The following ADAM32 variants were observed in gnomAD, a reference collection of about 807,000 sequenced individuals.
The protein encoded by ADAM32 is ADAM metallopeptidase domain 32, also known as disintegrin and metalloproteinase domain-containing protein 32.
ADAM32 carries 89 observed loss-of-function variants against 114.9 expected under a neutral mutation model. That is an observed-to-expected ratio of 0.77 (90% CI 0.65 to 0.92). The LOEUF (loss-of-function observed/expected upper bound fraction) is 0.92, where lower values mean the gene tolerates loss of function less well. Ranked by LOEUF, ADAM32 falls within the 40% of genes least tolerant of loss-of-function variation. The pLI is 0.00. For synonymous variants in ADAM32, 285 were observed against 307.5 expected, an observed-to-expected ratio of 0.93 and a Z score of 0.77; for missense variants, 870 against 932.8, an observed-to-expected ratio of 0.93 and a Z score of 0.88.
At chr8:39,151,256 CAG>C in intron 5 of ADAM32, 119 bp from the exon 6 acceptor site, 3 of 834,998 alleles carry the variant, frequency 3.6e-6, no homozygotes, top group Non-Finnish European at 5.3e-6. Flanking sequence ...ATCTCTAAGA[CAG>C]AATTCAGAAA....
At chr8:39,146,799 C>T (rs1331117455) in intron 3 of ADAM32, among the ~76,000 whole-genome samples, 15 of 152,222 alleles carry the variant, frequency 9.9e-5, no homozygotes, top group East Asian at 7.7e-4. Flanking sequence ...TTTGAGTAAA[C>T]GTATATTGCT....
chr8:39,147,836 C>T (rs1404834750), intron 4 of ADAM32, among the ~76,000 whole-genome samples: 4 of 151,980 alleles, frequency 2.6e-5, no homozygotes, highest in Non-Finnish European at 4.4e-5. Context: ...TGCAATGGTG[C>T]GATCTTGGCT....
intron 11 of ADAM32, among the ~76,000 whole-genome samples, chr8:39,210,486 A>G (rs1265492725): frequency 6.6e-6 from 1 of 152,158 alleles, no homozygotes; most frequent in African/African-American, 2.4e-5. Context: ...GGAGGGTTCT[A>G]TCCCGTGCTC....
At position 39,226,252 on chromosome 8, in the gene ADAM32, G is replaced by A. The variant is rs1809361653; in HGVS notation, c.1525+3014G>A. Among the ~76,000 whole-genome samples the A allele has an allele frequency of 3.3e-5, 5 of 152,148 alleles. No individual in the cohort carries two copies. In the South Asian group the frequency reaches 1.0e-3, roughly 32 times the overall value. ...ACAAACACTATGGGATTTTGAAACAGCATCAAGAAAGCTAACATTCTCATT... is the reference window on the plus strand; with the variant it reads ...ACAAACACTATGGGATTTTGAAACAACATCAAGAAAGCTAACATTCTCATT... On this transcript the variant is annotated intron_variant, in intron 14 of 24. Transcript: ENST00000379907.
At chr8:39,212,756 T>C (rs1457694456) in intron 12 of ADAM32, among the ~76,000 whole-genome samples, 2 of 152,208 alleles carry the variant, frequency 1.3e-5, no homozygotes, top group Admixed American at 6.5e-5. Flanking sequence ...GGTCCATTAT[T>C]CTTAATTTGT....
intron 12 of ADAM32, among the ~76,000 whole-genome samples, chr8:39,214,579 T>C (rs1435420947): frequency 1.3e-5 from 2 of 152,182 alleles, no homozygotes; most frequent in East Asian, 3.8e-4. Context: ...TTTTATGTTC[T>C]GGATATTAAT....
chr8:39,232,269 C>T (rs1809792042), intron 15 of ADAM32, 134 bp downstream of exon 15: 2 of 610,418 alleles, frequency 3.3e-6, no homozygotes, highest in African/African-American at 3.8e-5. Context: ...AAATCAAAAT[C>T]CCCAGCCCTG....
intron 3 of ADAM32, among the ~76,000 whole-genome samples, chr8:39,146,571 C>T (rs1485433752): frequency 4.6e-5 from 7 of 151,898 alleles, no homozygotes; most frequent in African/African-American, 7.3e-5. Flanking sequence ...CCACCACACC[C>T]GACTAATTTT....
At chr8:39,134,286 A>G (rs1033659894) in intron 2 of ADAM32, among the ~76,000 whole-genome samples, 1 of 151,938 alleles carries the variant, frequency 6.6e-6, no homozygotes, top group African/African-American at 2.4e-5. Context: ...GTGAATTCCC[A>G]GTCTGAAAGA....
intron 3 of ADAM32, among the ~76,000 whole-genome samples, chr8:39,140,672 T>C (rs1164485719): frequency 2.6e-5 from 4 of 152,202 alleles, no homozygotes; most frequent in Non-Finnish European, 5.9e-5. Flanking sequence ...CCTCATAAAA[T>C]GAGTCAGGGA....
intron 22 of ADAM32, among the ~76,000 whole-genome samples, chr8:39,279,458 A>G (rs1439329162): frequency 3.9e-5 from 6 of 152,098 alleles, no homozygotes; most frequent in Non-Finnish European, 7.4e-5. Flanking sequence ...TAATTTTTGT[A>G]GTTTTAGTAG....
At chr8:39,113,433 G>A (rs935626959) in intron 1 of ADAM32, among the ~76,000 whole-genome samples, 3 of 152,128 alleles carry the variant, frequency 2.0e-5, no homozygotes, top group Non-Finnish European at 2.9e-5. Flanking sequence ...CCAGTCACCC[G>A]ATGAATGATT....
At chr8:39,217,405 C>G (rs576797889) in intron 12 of ADAM32, among the ~76,000 whole-genome samples, 1 of 152,072 alleles carries the variant, frequency 6.6e-6, no homozygotes, top group Admixed American at 6.5e-5. Flanking sequence ...ATATCTTTCT[C>G]TAGGTTTGGG....
At chr8:39,265,734 A>G (rs1812309553) in intron 19 of ADAM32, among the ~76,000 whole-genome samples, 1 of 151,884 alleles carries the variant, frequency 6.6e-6, no homozygotes, top group East Asian at 1.9e-4. Flanking sequence ...TATAGATTTG[A>G]TTAGATATTT....
chr8:39,128,195 G>C (rs1409129778), intron 2 of ADAM32, among the ~76,000 whole-genome samples: 1 of 152,094 alleles, frequency 6.6e-6, no homozygotes, highest in Non-Finnish European at 1.5e-5. Context: ...TTATTAATCT[G>C]GTTGTGCCTG....
At chr8:39,151,894 T>C (rs1174000086) in intron 6 of ADAM32, among the ~76,000 whole-genome samples, 1 of 151,656 alleles carries the variant, frequency 6.6e-6, no homozygotes, top group African/African-American at 2.4e-5. Flanking sequence ...AACTCCTAGG[T>C]TCAAATGATC....
At chr8:39,179,433 A>G (rs1220389521) in intron 10 of ADAM32, among the ~76,000 whole-genome samples, 1 of 152,050 alleles carries the variant, frequency 6.6e-6, no homozygotes, top group African/African-American at 2.4e-5. Flanking sequence ...CCCCCTTCCT[A>G]CAGGAATGCA....
chr8:39,178,558 C>T (rs1805658169), intron 10 of ADAM32, among the ~76,000 whole-genome samples: 1 of 152,176 alleles, frequency 6.6e-6, no homozygotes, highest in Non-Finnish European at 1.5e-5. Flanking sequence ...TGTGCCCTTG[C>T]TGGGAGATAT....
chr8:39,133,227 G>C (rs942082253), intron 2 of ADAM32, among the ~76,000 whole-genome samples: 4 of 151,998 alleles, frequency 2.6e-5, no homozygotes, highest in African/African-American at 9.7e-5. Context: ...GTTGAGACCT[G>C]GCACCTCTCC....
Sources: allele counts gnomAD v4.1 joint callset (sites outside exome capture counted in the v4.1 genomes callset), GRCh38; gene constraint gnomAD v4.1.1; transcripts MANE v1.5; gene names NCBI Gene and HGNC (gene_info 2026-07-23, HGNC 2026-07-21).